Variants in ZBTB5 observed in about 807,000 individuals in gnomAD.
ZBTB5 encodes zinc finger and BTB domain-containing protein 5.
In ZBTB5, 15 loss-of-function variants were observed where a neutral mutation model predicts 37.9. That is an observed-to-expected ratio of 0.40 (90% CI 0.26 to 0.61). The LOEUF (loss-of-function observed/expected upper bound fraction) is 0.61, where lower values mean the gene tolerates loss of function less well. Among genes scored for constraint, ZBTB5 ranks in the 20% least tolerant of loss-of-function variants. ZBTB5 has a pLI of 0.47. For synonymous variants in ZBTB5, 315 were observed against 312.4 expected (o/e 1.01, Z -0.09); for missense variants, 708 against 856.8 (o/e 0.83, Z 2.17).
chr9:37,464,784 C>G (rs746096500), intron 1 of ZBTB5, among the ~76,000 whole-genome samples: 1 of 152,274 alleles, frequency 6.6e-6, no homozygotes, highest in Non-Finnish European at 1.5e-5. Flanking sequence ...CGATGGCAGT[C>G]TGCCTATGGC....
In ZBTB5 at chr9:37,440,590, G is replaced by A. The variant is rs1823847118; in HGVS notation, c.1962C>T (p.Ser654=). Residue 654 remains serine, a synonymous_variant, in exon 2 of 2, where the codon AGC becomes AGT. Coordinates refer to ENST00000307750, the MANE Select transcript of ZBTB5 (RefSeq NM_014872.3). ...TAGTCTTTGAGTGCTTATACAGGTGGCTGGACTGACTAAACCTCTTGCCAC... is the reference window on the plus strand; with the variant it reads ...TAGTCTTTGAGTGCTTATACAGGTGACTGGACTGACTAAACCTCTTGCCAC... ...LKCGKRFSQS[S]HLYKHSKTTC... 6.2e-7 allele frequency: 1 copy of A among 1,614,256 alleles called. No homozygotes were observed. Among genetic ancestry groups the A allele is most frequent in the East Asian group, 2.2e-5 (1 of 44,886 alleles).
Position 37,440,845 on chromosome 9 carries a change from G to A in ZBTB5, c.1707C>T (p.Ser569=). 1.2e-6 allele frequency: 2 copies of A among 1,614,214 alleles called. No homozygotes were observed. Among genetic ancestry groups the A allele is most frequent in the Non-Finnish European group, 1.7e-6 (2 of 1,180,042 alleles). Residue 569 remains serine (S), a synonymous_variant, in exon 2 of 2, where the codon TCC becomes TCT. Transcript: ENST00000307750. The part of the protein sequence containing the change: ...SSQLMMNGAT[S]SFENGHPSQP... Reference sequence around the variant, plus strand: ...GGGAAGGATGGCCATTTTCAAATGAGGACGTAGCTCCATTCATCATTAGCT... The same window carrying A: ...GGGAAGGATGGCCATTTTCAAATGAAGACGTAGCTCCATTCATCATTAGCT...
At chr9:37,446,135 A>C (rs763268917) in intron 1 of ZBTB5, among the ~76,000 whole-genome samples, 2 of 152,192 alleles carry the variant, frequency 1.3e-5, no homozygotes, top group Non-Finnish European at 2.9e-5. Flanking sequence ...AAATGTATAC[A>C]CATATATTTA....
At chr9:37,465,171 G>A (rs1336265087) in intron 1 of ZBTB5, 44 bp downstream of exon 1, 5 of 152,312 alleles carry the variant, frequency 3.3e-5, no homozygotes, top group Admixed American at 3.3e-4. Context: ...TTCCCCACGT[G>A]AGCGCGCCCG....
At chr9:37,450,818 T>G (rs1356985135) in intron 1 of ZBTB5, among the ~76,000 whole-genome samples, 3 of 149,796 alleles carry the variant, frequency 2.0e-5, no homozygotes, top group African/African-American at 7.4e-5. Flanking sequence ...TGAGCCGAGA[T>G]CACACCACTG....
Position 37,441,577 on chromosome 9 carries a change from CAT to C in ZBTB5, c.973_974del (p.Met325GlufsTer5). ...GGGGCTCAGATTTAACCACCACTCTCATGTGCTCCTTCTCACCAAGGCCAACC... is the reference window on the plus strand; with the variant it reads ...GGGGCTCAGATTTAACCACCACTCTCGTGCTCCTTCTCACCAAGGCCAACC... ...PEVGLGEKEH[M>X]RVVVKSEPLS... On this transcript the variant is annotated frameshift_variant, in exon 2 of 2. Transcript: ENST00000307750. LOFTEE classifies it high-confidence loss of function. The C allele has an allele frequency of 6.2e-7, 1 of 1,613,056 alleles. No individual in the cohort carries two copies. Among genetic ancestry groups the C allele is most frequent in the Non-Finnish European group, 8.5e-7 (1 of 1,179,888 alleles).
intron 1 of ZBTB5, among the ~76,000 whole-genome samples, chr9:37,451,746 G>T (rs920166120): frequency 1.3e-5 from 2 of 152,000 alleles, no homozygotes; most frequent in Non-Finnish European, 2.9e-5. Flanking sequence ...TAATTTGGTG[G>T]GTAGGGGGCC....
rs1820524035 is a variant in ZBTB5 at position 37,438,152 on chromosome 9, A to C, written c.*2366T>G. 1 of 152,626 alleles carries C rather than the reference A, an allele frequency of 6.6e-6. No homozygotes were observed. Among genetic ancestry groups the C allele is most frequent in the South Asian group, 2.1e-4 (1 of 4,830 alleles). The allele number at this position is 152,626 out of a possible 1,614,324, so 9.5% of individuals were successfully genotyped here. ...TTTTATTTCAAAAATCTCAAGTTGT[A>C]ACCAGCATAGCACCACTGACATGGA... is the stretch of plus-strand genomic sequence containing the variant. On this transcript the variant is annotated 3_prime_UTR_variant, in exon 2 of 2. Transcript: ENST00000307750.
chr9:37,456,536 C>A lies in ZBTB5; in HGVS notation c.-5+8679G>T, dbSNP rs148834330. Among the ~76,000 whole-genome samples the A allele has an allele frequency of 5.9e-5, 9 of 152,304 alleles. No homozygotes were observed. In the East Asian group the frequency reaches 1.5e-3, roughly 26 times the overall value. The stretch of plus-strand genomic sequence containing the variant: ...TAAAGATGAGCATGACTGAGGAAGG[C>A]GAGCTGGAAGCCCTGACCATCTCAC... On this transcript the variant is annotated intron_variant, in intron 1 of 1. Transcript: ENST00000307750.
intron 1 of ZBTB5, among the ~76,000 whole-genome samples, chr9:37,449,141 T>C (rs1385922346): frequency 2.0e-5 from 3 of 152,168 alleles, no homozygotes; most frequent in African/African-American, 7.2e-5. Flanking sequence ...AACTAGCACC[T>C]TGGGAGGCCT....
intron 1 of ZBTB5, among the ~76,000 whole-genome samples, chr9:37,457,405 A>G (rs1427816539): frequency 1.3e-5 from 2 of 151,986 alleles, no homozygotes; most frequent in African/African-American, 4.8e-5. Flanking sequence ...CTAATTTTTT[A>G]TTCTTTGTAG....
At chr9:37,452,199 T>C (rs185223070) in intron 1 of ZBTB5, among the ~76,000 whole-genome samples, 3 of 152,252 alleles carry the variant, frequency 2.0e-5, no homozygotes, top group Admixed American at 2.0e-4. Flanking sequence ...AGGTCTGATA[T>C]CTTTCGCTGT....
At chr9:37,445,300 A>C (rs1823955006) in intron 1 of ZBTB5, among the ~76,000 whole-genome samples, 1 of 152,166 alleles carries the variant, frequency 6.6e-6, no homozygotes, top group African/African-American at 2.4e-5. Flanking sequence ...CTAGAAATAC[A>C]GTCTGAAATA....
At chr9:37,463,383 C>G (rs1564315530) in intron 1 of ZBTB5, among the ~76,000 whole-genome samples, 2 of 152,004 alleles carry the variant, frequency 1.3e-5, no homozygotes. Context: ...TTAAAACTGA[C>G]AGAGGGGGAA....
chr9:37,449,275 G>A (rs59906334), intron 1 of ZBTB5, among the ~76,000 whole-genome samples: 9,302 of 152,042 alleles, frequency 0.061, 346 homozygotes, highest in African/African-American at 0.11. Context: ...AACATAAGAG[G>A]GGTATTGTTT....
intron 1 of ZBTB5, among the ~76,000 whole-genome samples, chr9:37,445,830 G>C (rs964295883): frequency 5.3e-5 from 8 of 152,034 alleles, no homozygotes; most frequent in African/African-American, 1.9e-4. Flanking sequence ...GCTGGGTGTG[G>C]TAGCTCATGG....
chr9:37,443,203 T>G (rs989616175), intron 1 of ZBTB5, among the ~76,000 whole-genome samples: 1 of 151,708 alleles, frequency 6.6e-6, no homozygotes, highest in African/African-American at 2.4e-5. Flanking sequence ...TACAAAAAAT[T>G]AGCCAGGCAT....
At chr9:37,442,624 G>A in intron 1 of ZBTB5, 69 bp from the exon 2 acceptor site, 1 of 1,301,016 alleles carries the variant, frequency 7.7e-7, no homozygotes, top group East Asian at 2.5e-5. Context: ...CAAAGGGTAT[G>A]ATGAAAAGAG....
chr9:37,456,741 T>C (rs1264798038), intron 1 of ZBTB5, among the ~76,000 whole-genome samples: 2 of 152,264 alleles, frequency 1.3e-5, no homozygotes, highest in East Asian at 1.9e-4. Context: ...GGGCAGGAAC[T>C]GTATTTTCTC....
Sources: gnomAD v4.1 joint callset for allele counts (sites outside exome capture counted in the v4.1 genomes callset) on GRCh38, gnomAD v4.1.1 for gene constraint, MANE v1.5 for transcripts, NCBI Gene and HGNC (gene_info 2026-07-23, HGNC 2026-07-21) for gene names.